SAMD3: variants seen among roughly 807,000 people sequenced by gnomAD.
The protein encoded by SAMD3 is sterile alpha motif domain-containing protein 3.
A neutral mutation model predicts 58.5 loss-of-function variants in SAMD3; 63 were observed. The observed-to-expected ratio is 1.08, with a 90% CI of 0.88 to 1.33. The LOEUF (loss-of-function observed/expected upper bound fraction) is 1.33. Ranked by LOEUF, SAMD3 falls within the 40% of genes most tolerant of loss-of-function variation. The probability of loss-of-function intolerance (pLI) is 0.00; values close to 1 mark genes in which losing one functional copy is unlikely to be tolerated. For missense variants in SAMD3, 604 were observed against 608.4 expected (o/e 0.99, Z 0.08); for synonymous variants, 220 against 210.3 (o/e 1.05, Z -0.40).
intron 8 of SAMD3, among the ~76,000 whole-genome samples, chr6:130,155,317 C>A (rs1190372626): frequency 6.6e-6 from 1 of 152,138 alleles, no homozygotes. Context: ...CCCACTGAAT[C>A]AAATGTTGCT....
intron 2 of SAMD3, among the ~76,000 whole-genome samples, chr6:130,275,595 T>A (rs574317889): frequency 3.9e-5 from 6 of 152,144 alleles, no homozygotes; most frequent in African/African-American, 1.4e-4. Context: ...TAAATTTGAG[T>A]TTATTAATTT....
At chr6:130,234,211 A>C (rs1796621449) in intron 2 of SAMD3, among the ~76,000 whole-genome samples, 1 of 152,100 alleles carries the variant, frequency 6.6e-6, no homozygotes, top group African/African-American at 2.4e-5. Flanking sequence ...CTTATGTGTA[A>C]ATTTAATTAT....
At chr6:130,365,586 C>T (rs1778115267), upstream of SAMD3, 2 of 985,306 alleles carry the variant, frequency 2.0e-6, no homozygotes, top group Admixed American at 6.1e-5. Context: ...GCTCCCCAGC[C>T]GCTCCGGAGA....
intron 5 of SAMD3, among the ~76,000 whole-genome samples, chr6:130,185,200 C>T (rs1792820702): frequency 6.6e-6 from 1 of 152,182 alleles, no homozygotes; most frequent in Non-Finnish European, 1.5e-5. Flanking sequence ...CTACAGAAAA[C>T]TATAACTACA....
intron 8 of SAMD3, among the ~76,000 whole-genome samples, chr6:130,168,004 C>A (rs1011433393): frequency 6.6e-6 from 1 of 152,154 alleles, no homozygotes; most frequent in Admixed American, 6.5e-5. Flanking sequence ...AAGAATATAG[C>A]CTAAGCAGAG....
chr6:130,144,171 A>G (rs767255205), downstream of SAMD3: 2 of 232,550 alleles, frequency 8.6e-6, no homozygotes, highest in Non-Finnish European at 1.7e-5. Context: ...GCTCCTGTGC[A>G]TTAAGTGGGC....
upstream of SAMD3, among the ~76,000 whole-genome samples, chr6:130,224,154 C>T (rs1796318167): frequency 6.6e-6 from 1 of 152,110 alleles, no homozygotes; most frequent in Admixed American, 6.5e-5. Flanking sequence ...TGGTCCACAT[C>T]ATACTGCTGT....
chr6:130,292,250 T>C (rs758538217), intron 2 of SAMD3, among the ~76,000 whole-genome samples: 8 of 150,260 alleles, frequency 5.3e-5, no homozygotes, highest in Non-Finnish European at 1.2e-4. Flanking sequence ...TTCTCAGGAA[T>C]AACTTTTTTT....
chr6:130,334,127 A>G (rs549821639), intron 1 of SAMD3, among the ~76,000 whole-genome samples: 19 of 152,304 alleles, frequency 1.2e-4, no homozygotes, highest in Admixed American at 1.2e-3. Flanking sequence ...TTTAAAAAAA[A>G]CTAAGAATAT....
chr6:130,224,861 G>A (rs935725966), upstream of SAMD3, among the ~76,000 whole-genome samples: 36 of 151,912 alleles, frequency 2.4e-4, no homozygotes, highest in African/African-American at 5.5e-4. Context: ...CTCATGAACC[G>A]CCTGCCTCGG....
intron 1 of SAMD3, among the ~76,000 whole-genome samples, chr6:130,321,464 C>T (rs1488560865): frequency 1.3e-5 from 2 of 152,098 alleles, no homozygotes; most frequent in East Asian, 1.9e-4. Flanking sequence ...ATGGAAATGG[C>T]GAAGTAATAA....
chr6:130,193,385 C>T (rs543746161), intron 5 of SAMD3, among the ~76,000 whole-genome samples: 1 of 152,080 alleles, frequency 6.6e-6, no homozygotes, highest in African/African-American at 2.4e-5. Flanking sequence ...ATCTCTGCAC[C>T]CCAATCCCTT....
chr6:130,273,196 G>GGT lies in SAMD3; in HGVS notation c.-188+39780_-188+39781dup, dbSNP rs1774629549. ...CTTTATATATTTACAAATGATGGTA[G>GGT]GTGCACACATATTTATTATTGTTAT... On this transcript the variant is annotated intron_variant, in intron 2 of 13. Coordinates refer to the SAMD3 transcript ENST00000368134. Among the ~76,000 whole-genome samples, 3 of 151,858 alleles carry GGT rather than the reference G, an allele frequency of 2.0e-5. No homozygotes were observed. The South Asian group carries it at 6.2e-4, about 32-fold the overall frequency.
At position 130,348,419 on chromosome 6, in the gene SAMD3, G is replaced by T. The variant is rs552915100; in HGVS notation, c.-304+16701C>A. Among the ~76,000 whole-genome samples the T allele has an allele frequency of 7.1e-3, 1,081 of 152,218 alleles. 7 individuals carry two copies. The highest frequency in any genetic ancestry group is 9.7e-3 in the Non-Finnish European group (663 of 68,020). On this transcript the variant is annotated intron_variant, in intron 1 of 13. Transcript: ENST00000368134. ...AAATGGAAAACAAAAAAAGGCAGGG[G>T]TTGCAATCCTAGTCTCGGATAAAAC... is the stretch of plus-strand genomic sequence containing the variant.
At chr6:130,295,222 C>T (rs922471753) in intron 2 of SAMD3, among the ~76,000 whole-genome samples, 2 of 152,144 alleles carry the variant, frequency 1.3e-5, no homozygotes, top group African/African-American at 4.8e-5. Flanking sequence ...CACGTCCAGC[C>T]TCTCTGATTA....
At chr6:130,236,185 A>C (rs2114886464) in intron 2 of SAMD3, among the ~76,000 whole-genome samples, 1 of 152,296 alleles carries the variant, frequency 6.6e-6, no homozygotes, top group East Asian at 1.9e-4. Flanking sequence ...AAACACTTCA[A>C]ACTATTTAAT....
At chr6:130,279,520 A>T (rs1231952238) in intron 2 of SAMD3, among the ~76,000 whole-genome samples, 7 of 119,082 alleles carry the variant, frequency 5.9e-5, no homozygotes, top group African/African-American at 2.1e-4. Context: ...ATGGAGTTTC[A>T]CTCTTGTTGC....
intron 8 of SAMD3, chr6:130,162,309 G>A: frequency 1.4e-6 from 1 of 701,394 alleles, no homozygotes; most frequent in East Asian, 2.7e-5. Context: ...ATATTTCTAA[G>A]TTTGATTTCA....
chr6:130,203,681 T>C (rs1030546842), intron 5 of SAMD3, among the ~76,000 whole-genome samples: 36 of 152,232 alleles, frequency 2.4e-4, no homozygotes, highest in African/African-American at 8.0e-4. Context: ...ACATTGTTGA[T>C]CACCTGTGTC....
Sources: gnomAD v4.1 joint callset for allele counts (sites outside exome capture counted in the v4.1 genomes callset) on GRCh38, gnomAD v4.1.1 for gene constraint, MANE v1.5 for transcripts, NCBI Gene and HGNC (gene_info 2026-07-23, HGNC 2026-07-21) for gene names.